The following GNL3L variants were observed in gnomAD, a reference collection of about 807,000 sequenced individuals.
GNL3L encodes guanine nucleotide-binding protein-like 3-like protein.
Under a neutral mutation model 42.9 loss-of-function variants are expected in GNL3L, and 4 were observed. The ratio of observed to expected loss-of-function variants is 0.09; its 90% confidence interval spans 0.05 to 0.21. The LOEUF is 0.21. Ranked by LOEUF, GNL3L falls within the 10% of genes least tolerant of loss-of-function variation. GNL3L has a pLI of 1.00. For missense variants in GNL3L, 412 were observed against 481.7 expected (o/e 0.86, Z 1.36); for synonymous variants, 159 against 176.3 (o/e 0.90, Z 0.78).
chrX:54,553,631 C>T (rs1391757838), intron 13 of GNL3L, among the ~76,000 whole-genome samples: 1 of 111,467 alleles, frequency 9.0e-6, no homozygotes, highest in African/African-American at 3.3e-5. Flanking sequence ...TCTCTGCCTC[C>T]TGGGGTCGAG....
At chrX:54,536,103 T>C (rs1413896292) in intron 2 of GNL3L, among the ~76,000 whole-genome samples, 1 of 111,131 alleles carries the variant, frequency 9.0e-6, no homozygotes, top group East Asian at 2.8e-4. Context: ...AATTTTTGTA[T>C]TTTTAGTAGA....
downstream of GNL3L, among the ~76,000 whole-genome samples, chrX:54,571,490 C>T (rs978602773): frequency 5.8e-5 from 6 of 104,265 alleles, no homozygotes; most frequent in Non-Finnish European, 9.8e-5. Context: ...TGAGCCACTG[C>T]GCCCGGCCTT....
At chrX:54,588,828 A>G (rs1391769244) in intron 16 of GNL3L, among the ~76,000 whole-genome samples, 1 of 112,142 alleles carries the variant, frequency 8.9e-6, no homozygotes, top group Non-Finnish European at 1.9e-5. Flanking sequence ...GGAACCAGCC[A>G]TATCGGCAAT....
chrX:54,622,889 T>A (rs1926306128), downstream of GNL3L, among the ~76,000 whole-genome samples: 1 of 111,845 alleles, frequency 8.9e-6, no homozygotes, highest in Non-Finnish European at 1.9e-5. Flanking sequence ...TGAGTTAATT[T>A]TTGTATATGA....
intron 2 of GNL3L, among the ~76,000 whole-genome samples, chrX:54,535,588 C>T (rs1924399013): frequency 9.0e-6 from 1 of 111,390 alleles, no homozygotes; most frequent in Non-Finnish European, 1.9e-5. Context: ...TATCACTTTA[C>T]CAAAGTTAAA....
At chrX:54,547,000 C>CTTTTTTTTTTT (rs748207972) in intron 8 of GNL3L, among the ~76,000 whole-genome samples, 1 of 91,908 alleles carries the variant, frequency 1.1e-5, no homozygotes, top group Non-Finnish European at 2.2e-5. Flanking sequence ...TTTTTTTTTT[C>CTTTTTTTTTTT]TTTTTTTTTT....
chrX:54,580,875 G>A (rs1312247183), intron 16 of GNL3L, among the ~76,000 whole-genome samples: 2 of 112,145 alleles, frequency 1.8e-5, no homozygotes, highest in African/African-American at 6.5e-5. Context: ...CTGCCTCCTG[G>A]GTTCAAGTGA....
chrX:54,591,926 A>G (rs979798647), intron 16 of GNL3L, among the ~76,000 whole-genome samples: 3 of 111,735 alleles, frequency 2.7e-5, no homozygotes, highest in Admixed American at 9.5e-5. Flanking sequence ...ATTTTAATAA[A>G]ACTGAATCTT....
intron 16 of GNL3L, among the ~76,000 whole-genome samples, chrX:54,577,701 C>T (rs1328898179): frequency 9.0e-6 from 1 of 111,316 alleles, no homozygotes; most frequent in Non-Finnish European, 1.9e-5. Context: ...TTTTACTTAG[C>T]ATAATTCCTC....
Position 54,551,422 on chromosome X carries a change from C to G in GNL3L, c.864-146C>G, listed in dbSNP as rs939426108. 8 of 474,842 alleles carry G rather than the reference C, an allele frequency of 1.7e-5. No individual in the cohort carries two copies. The East Asian group carries it at 2.9e-4, about 17-fold the overall frequency. The allele number at this position is 474,842 out of a possible 1,213,427, so 39.1% of individuals were successfully genotyped here. Reference sequence around the variant, plus strand: ...CCTCAAGTCTGTAGAGCCCCAGTCACCCCTCCTCCAACTCTACATCTCTCC... The same window carrying G: ...CCTCAAGTCTGTAGAGCCCCAGTCAGCCCTCCTCCAACTCTACATCTCTCC... On this transcript the variant is annotated intron_variant, in intron 10 of 15. Coordinates refer to ENST00000360845, the MANE Select transcript of GNL3L (RefSeq NM_001184819.2).
At chrX:54,640,053 T>A in the GNL3L span, among the ~76,000 whole-genome samples, 73 of 110,469 alleles carry the variant, frequency 6.6e-4, no homozygotes, top group Middle Eastern at 4.6e-3. Flanking sequence ...TGACCGTGCC[T>A]GCGTACGTCC....
intron 1 of GNL3L, among the ~76,000 whole-genome samples, chrX:54,532,119 A>G (rs1047378402): frequency 9.0e-6 from 1 of 110,555 alleles, no homozygotes; most frequent in Non-Finnish European, 1.9e-5. Context: ...ATCACCCCAT[A>G]TAGAAATAGA....
In GNL3L at chrX:54,550,947, T is replaced by A. The variant is rs1226553758; in HGVS notation, c.776-16T>A. The A allele has an allele frequency of 3.2e-6, 3 of 941,256 alleles. No individual in the cohort carries two copies. In the Admixed American group the frequency reaches 6.6e-5, roughly 21 times the overall value. The allele number at this position is 941,256 out of a possible 1,213,427, so 77.6% of individuals were successfully genotyped here. On this transcript the variant is annotated splice_polypyrimidine_tract_variant and intron_variant, in intron 9 of 15. Coordinates refer to ENST00000360845, the MANE Select transcript of GNL3L (RefSeq NM_001184819.2). The stretch of plus-strand genomic sequence containing the variant: ...AGGGCCTCTTCTGCCCTGAGCCATC[T>A]GCTGCTATTTTGTAGGTCTTCCCAA...
Position 54,607,010 on chromosome X carries a change from T to C in GNL3L, c.*46-13835T>C, listed in dbSNP as rs199712107. The stretch of plus-strand genomic sequence containing the variant: ...CCTTTCCTTTCCTTTCTTTCTTTCT[T>C]TCTTTCTTTCTTTCTTTCTTTCTTT... On this transcript the variant is annotated intron_variant, in intron 16 of 16. Transcript: ENST00000674498. Among the ~76,000 whole-genome samples the C allele has an allele frequency of 1.4e-3, 42 of 31,086 alleles. 2 individuals carry two copies. In the African/African-American group the frequency reaches 0.017, roughly 13 times the overall value. The allele number at this position is 31,086 out of a possible 115,157, so 27.0% of individuals were successfully genotyped here. A position where few individuals can be genotyped will look rare whatever the true frequency, so the allele number is the denominator to read the frequency against.
At chrX:54,616,736 C>T (rs192283551) in intron 16 of GNL3L, among the ~76,000 whole-genome samples, 66 of 111,496 alleles carry the variant, frequency 5.9e-4, no homozygotes, top group African/African-American at 2.0e-3. Context: ...GCTCCTTCTC[C>T]CCAAGTCAAC....
At chrX:54,590,638 A>C (rs899762248) in intron 16 of GNL3L, among the ~76,000 whole-genome samples, 1 of 110,932 alleles carries the variant, frequency 9.0e-6, no homozygotes, top group Non-Finnish European at 1.9e-5. Flanking sequence ...ATGTGATCCT[A>C]TTTTTGCTTT....
Position 54,548,350 on chromosome X carries a change from C to T in GNL3L, c.752C>T (p.Thr251Ile), listed in dbSNP as rs1436150536. 1.7e-6 allele frequency: 2 copies of T among 1,206,514 alleles called. No individual in the cohort carries two copies. The highest frequency in any genetic ancestry group is 1.7e-5 in the African/African-American group (1 of 57,570). The change falls in exon 9 of 16, where the codon ACC (threonine) becomes ATC (isoleucine). Residue 251 changes from threonine to isoleucine, a missense_variant. Coordinates refer to ENST00000360845, the MANE Select transcript of GNL3L (RefSeq NM_001184819.2). Reference protein sequence around the residue: ...GNYCRLGEVRTHIRVGVVGLP... With the variant: ...GNYCRLGEVRIHIRVGVVGLP... The stretch of plus-strand genomic sequence containing the variant: ...TATTGCCGCCTTGGTGAAGTGCGCA[C>T]CCACATTCGTGTGGGTGTTGTGGGT...
At chrX:54,545,894 G>T (rs1003677574) in intron 8 of GNL3L, among the ~76,000 whole-genome samples, 1 of 112,188 alleles carries the variant, frequency 8.9e-6, no homozygotes, top group African/African-American at 3.2e-5. Context: ...GGTCATCCAG[G>T]CCTCAGTGCA....
chrX:54,585,314 T>A (rs1269326415), intron 16 of GNL3L, among the ~76,000 whole-genome samples: 1 of 111,450 alleles, frequency 9.0e-6, no homozygotes, highest in Non-Finnish European at 1.9e-5. Flanking sequence ...ATTTTTTTTT[T>A]AGAAGATTTT....
Sources: allele counts gnomAD v4.1 joint callset (sites outside exome capture counted in the v4.1 genomes callset), GRCh38; gene constraint gnomAD v4.1.1; transcripts MANE v1.5; gene names NCBI Gene and HGNC (gene_info 2026-07-23, HGNC 2026-07-21).